Variants in KPNA6 observed in about 807,000 individuals in gnomAD.
The protein encoded by KPNA6 is importin subunit alpha-7.
Under a neutral mutation model 72.0 loss-of-function variants are expected in KPNA6, and 9 were observed. The ratio of observed to expected loss-of-function variants is 0.13; its 90% confidence interval spans 0.08 to 0.22. KPNA6 has a LOEUF of 0.22. KPNA6 is among the 10% of genes least tolerant of loss of function. The pLI is 1.00. For missense variants in KPNA6, 374 were observed against 655.7 expected (o/e 0.57, Z 4.69); for synonymous variants, 219 against 242.1 (o/e 0.90, Z 0.89).
chr1:32,156,926 A>C lies in KPNA6; in HGVS notation c.212A>C (p.Tyr71Ser), dbSNP rs764737482. 1.9e-6 allele frequency: 3 copies of C among 1,613,740 alleles called. No individual in the cohort carries two copies. Among genetic ancestry groups the C allele is most frequent in the Non-Finnish European group, 2.5e-6 (3 of 1,179,658 alleles). ...TTCGATAGTCTTCTCATGGACTCTT[A>C]TGTGAGCTCTACCACTGGGGTAAGG... is the stretch of plus-strand genomic sequence containing the variant. Reference protein sequence around the residue: ...AMFDSLLMDSYVSSTTGESVI... With the variant: ...AMFDSLLMDSSVSSTTGESVI... Residue 71 changes from tyrosine to serine, a missense_variant, in exon 3 of 14, where the codon TAT becomes TCT. Tyr to Ser is a moderately radical substitution (Grantham distance 144). Coordinates refer to ENST00000373625, the MANE Select transcript of KPNA6 (RefSeq NM_012316.5).
chr1:32,148,408 G>A (rs1351762029), intron 1 of KPNA6, among the ~76,000 whole-genome samples: 1 of 151,872 alleles, frequency 6.6e-6, no homozygotes, highest in Non-Finnish European at 1.5e-5. Context: ...TATCCCAAAT[G>A]TGTATATCTT....
At chr1:32,110,635 G>C (rs1309782804) in intron 1 of KPNA6, among the ~76,000 whole-genome samples, 2 of 152,172 alleles carry the variant, frequency 1.3e-5, no homozygotes, top group African/African-American at 2.4e-5. Context: ...GCTGGGCAAG[G>C]TGGCTCAGGC....
At chr1:32,164,643 T>C (rs1229924256) in intron 10 of KPNA6, among the ~76,000 whole-genome samples, 1 of 152,070 alleles carries the variant, frequency 6.6e-6, no homozygotes, top group Non-Finnish European at 1.5e-5. Context: ...TTCTAATGAT[T>C]GGTAATGTTG....
At chr1:32,119,023 TATATATATA>T (rs1174543056) in intron 1 of KPNA6, among the ~76,000 whole-genome samples, 15 of 85,592 alleles carry the variant, frequency 1.8e-4, no homozygotes, top group South Asian at 4.3e-4. Context: ...TATATATATA[TATATATATA>T]TTTTTTTTTT....
At chr1:32,156,466 TGATAAC>T (rs1642144830) in intron 2 of KPNA6, among the ~76,000 whole-genome samples, 1 of 152,230 alleles carries the variant, frequency 6.6e-6, no homozygotes, top group African/African-American at 2.4e-5. Flanking sequence ...AATTGCCACC[TGATAAC>T]CAAGTTGGTT....
Position 32,163,595 on chromosome 1 carries a change from T to G in KPNA6, c.990+282T>G, listed in dbSNP as rs3818075. Among the ~76,000 whole-genome samples, 83 of 152,294 alleles carry G rather than the reference T, an allele frequency of 5.4e-4. No individual in the cohort carries two copies. The East Asian group carries it at 0.013, about 24-fold the overall frequency. On this transcript the variant is annotated intron_variant, in intron 10 of 13. Coordinates refer to ENST00000373625, the MANE Select transcript of KPNA6 (RefSeq NM_012316.5). ...ATAACTGGACTTACCACCTGGGACA[T>G]TGTGAGTTAGTTAAGTTTGAGTCAT...
At chr1:32,147,521 C>T (rs1239572152) in intron 1 of KPNA6, among the ~76,000 whole-genome samples, 1 of 152,042 alleles carries the variant, frequency 6.6e-6, no homozygotes, top group Non-Finnish European at 1.5e-5. Flanking sequence ...TGGTCTTGAA[C>T]TCCTGGGCTC....
chr1:32,114,092 A>G (rs1408005093), intron 1 of KPNA6, among the ~76,000 whole-genome samples: 1 of 152,116 alleles, frequency 6.6e-6, no homozygotes, highest in Non-Finnish European at 1.5e-5. Context: ...CTTAATTCAT[A>G]CAGAATGGAT....
chr1:32,121,613 G>A (rs1428264894), intron 1 of KPNA6, among the ~76,000 whole-genome samples: 2 of 152,182 alleles, frequency 1.3e-5, no homozygotes, highest in Non-Finnish European at 2.9e-5. Context: ...CAGCTGTGAT[G>A]TGCAGAAAGG....
At position 32,108,058 on chromosome 1, in the gene KPNA6, A is replaced by G. The variant is rs568853189; in HGVS notation, c.-73A>G. ...GGCTGCCGTCCTACAGATCCGCCAT[A>G]TTGTCTACTGAAAGCTGCCGCTGAA... is the stretch of plus-strand genomic sequence containing the variant. On this transcript the variant is annotated 5_prime_UTR_variant, in exon 1 of 14. The change creates a new upstream start codon in the 5' untranslated region. Transcript: ENST00000373625. The G allele has an allele frequency of 1.7e-5, 27 of 1,610,854 alleles. No homozygotes were observed. The South Asian group carries it at 2.9e-4, about 17-fold the overall frequency.
At chr1:32,108,926 C>T (rs1307746219) in intron 1 of KPNA6, among the ~76,000 whole-genome samples, 1 of 152,216 alleles carries the variant, frequency 6.6e-6, no homozygotes, top group East Asian at 1.9e-4. Flanking sequence ...AGAGACAGAA[C>T]CAACAGTGGT....
chr1:32,124,351 C>T (rs888588658), intron 1 of KPNA6, among the ~76,000 whole-genome samples: 1 of 151,674 alleles, frequency 6.6e-6, no homozygotes, highest in African/African-American at 2.4e-5. Flanking sequence ...CCAGCCTGGG[C>T]AACAGAGTGA....
intron 1 of KPNA6, among the ~76,000 whole-genome samples, chr1:32,133,534 A>T (rs914806713): frequency 2.0e-5 from 3 of 151,406 alleles, no homozygotes; most frequent in African/African-American, 7.3e-5. Context: ...AAAAAAAAAA[A>T]AAAAAAATTA....
intron 1 of KPNA6, among the ~76,000 whole-genome samples, chr1:32,130,054 A>T (rs1310483231): frequency 1.3e-5 from 2 of 152,170 alleles, no homozygotes; most frequent in Admixed American, 6.6e-5. Context: ...TGAGAATTCT[A>T]TGTGAGTCTA....
At chr1:32,109,346 G>GT (rs1193352522) in intron 1 of KPNA6, among the ~76,000 whole-genome samples, 3 of 151,454 alleles carry the variant, frequency 2.0e-5, no homozygotes, top group Non-Finnish European at 4.4e-5. Context: ...ATTTTTGTGT[G>GT]TTTTTGGTAG....
chr1:32,123,496 T>C (rs977082793), intron 1 of KPNA6, among the ~76,000 whole-genome samples: 3 of 152,016 alleles, frequency 2.0e-5, no homozygotes, highest in African/African-American at 7.2e-5. Context: ...ATCCCAGCAC[T>C]ATGGGAGACT....
At chr1:32,165,009 C>T (rs777531508) in intron 10 of KPNA6, among the ~76,000 whole-genome samples, 2 of 152,144 alleles carry the variant, frequency 1.3e-5, no homozygotes, top group Non-Finnish European at 2.9e-5. Flanking sequence ...AGCAGTCCTT[C>T]CACCTCAGCC....
chr1:32,155,707 T>A (rs961279867), intron 2 of KPNA6, among the ~76,000 whole-genome samples: 25 of 105,776 alleles, frequency 2.4e-4, no homozygotes, highest in Admixed American at 2.3e-3. Context: ...ATTATTATTA[T>A]TTATTTATTT....
At chr1:32,155,622 C>T (rs937703170) in intron 2 of KPNA6, among the ~76,000 whole-genome samples, 2 of 151,890 alleles carry the variant, frequency 1.3e-5, no homozygotes, top group Non-Finnish European at 1.5e-5. Context: ...TAAGCCACCA[C>T]GCCCAGCCTG....
Sources: gnomAD v4.1 joint callset for allele counts (sites outside exome capture counted in the v4.1 genomes callset) on GRCh38, gnomAD v4.1.1 for gene constraint, MANE v1.5 for transcripts, NCBI Gene and HGNC (gene_info 2026-07-23, HGNC 2026-07-21) for gene names.